The following CWC27 variants were observed in gnomAD, a reference collection of about 807,000 sequenced individuals.
CWC27 encodes the protein CWC27 spliceosome associated cyclophilin, also known as spliceosome-associated protein CWC27 homolog.
In CWC27, 47 loss-of-function variants were observed where a neutral mutation model predicts 63.6. That is an observed-to-expected ratio of 0.74 (90% CI 0.58 to 0.94). CWC27 has a LOEUF of 0.94. CWC27 is among the 40% of genes least tolerant of loss of function. The pLI is 0.00. For missense variants in CWC27, 495 were observed against 554.3 expected, an observed-to-expected ratio of 0.89 and a Z score of 1.07; for synonymous variants, 175 against 179.8, an observed-to-expected ratio of 0.97 and a Z score of 0.22.
intron 13 of CWC27, among the ~76,000 whole-genome samples, chr5:64,985,454 G>A (rs1749407320): frequency 6.6e-6 from 1 of 152,044 alleles, no homozygotes; most frequent in Admixed American, 6.6e-5. Flanking sequence ...TGTTTCATCA[G>A]CATTTTATAG....
At chr5:64,809,647 G>A (rs1346496882) in intron 10 of CWC27, among the ~76,000 whole-genome samples, 3 of 152,200 alleles carry the variant, frequency 2.0e-5, no homozygotes, top group African/African-American at 4.8e-5. Flanking sequence ...GATTATAGGC[G>A]TGAGCTACTG....
chr5:64,813,205 A>G (rs914585622), intron 10 of CWC27, among the ~76,000 whole-genome samples: 23 of 152,182 alleles, frequency 1.5e-4, no homozygotes, highest in Non-Finnish European at 2.8e-4. Context: ...AAACCATACT[A>G]TATTTAGCAT....
At position 64,807,613 on chromosome 5, in the gene CWC27, G is replaced by T. The variant is rs1410106300; in HGVS notation, c.938+3227G>T. On this transcript the variant is annotated intron_variant, in intron 10 of 13. Transcript: ENST00000381070. ...TTTCTTTCCAGCCCACCTTCTCTAT[G>T]CCTGTATCTTGACTACTGGATACAG... The T allele has an allele frequency of 2.0e-6, 3 of 1,533,692 alleles. No homozygotes were observed. In the East Asian group the frequency reaches 7.3e-5, roughly 38 times the overall value.
intron 11 of CWC27, among the ~76,000 whole-genome samples, chr5:64,951,328 G>T (rs908793416): frequency 6.6e-6 from 1 of 151,828 alleles, no homozygotes; most frequent in Admixed American, 6.6e-5. Context: ...GATCAATGAT[G>T]TTGAACATCT....
chr5:64,771,612 T>C (rs777702067), intron 1 of CWC27, among the ~76,000 whole-genome samples: 3 of 152,226 alleles, frequency 2.0e-5, no homozygotes, highest in Non-Finnish European at 4.4e-5. Flanking sequence ...TTTCAAATGA[T>C]AGGGGTCTGT....
At chr5:64,937,249 C>G (rs149923434) in intron 11 of CWC27, among the ~76,000 whole-genome samples, 4,938 of 152,198 alleles carry the variant, frequency 0.032, 126 homozygotes, top group African/African-American at 0.034. Flanking sequence ...TATAAATTTC[C>G]CTCTAAACAC....
In CWC27 at chr5:64,884,901, A is replaced by G. The variant is rs548562939; in HGVS notation, c.939-542A>G. 2.5e-5 allele frequency among the ~76,000 whole-genome samples: 3 copies of G among 121,756 alleles called. No individual in the cohort carries two copies. In the East Asian group the frequency reaches 8.1e-4, roughly 33 times the overall value. The allele number at this position is 121,756 out of a possible 152,430, so 79.9% of individuals were successfully genotyped here. A position where few individuals can be genotyped will look rare whatever the true frequency, so the allele number is the denominator to read the frequency against. ...GTAGATTTAACTACCAGGAAATTAA[A>G]AGGAAATGTATATGCCAAACTGTAG... On this transcript the variant is annotated intron_variant, in intron 10 of 13. Coordinates refer to ENST00000381070, the MANE Select transcript of CWC27 (RefSeq NM_005869.4).
intron 11 of CWC27, among the ~76,000 whole-genome samples, chr5:64,896,466 A>G (rs1015172584): frequency 4.6e-5 from 7 of 152,226 alleles, no homozygotes; most frequent in African/African-American, 1.7e-4. Context: ...AAAAATACAT[A>G]ACAACATAGT....
intron 13 of CWC27, among the ~76,000 whole-genome samples, chr5:64,988,696 C>T (rs775935105): frequency 6.6e-6 from 1 of 151,762 alleles, no homozygotes; most frequent in South Asian, 2.1e-4. Flanking sequence ...CCCCACCTCC[C>T]GGGTTCAAGA....
rs186503087 is a variant in CWC27, at chr5:64,849,614, A to C, written c.939-35829A>C. Among the ~76,000 whole-genome samples, 12 of 151,974 alleles carry C rather than the reference A, an allele frequency of 7.9e-5. No homozygotes were observed. The East Asian group carries it at 2.3e-3, about 29-fold the overall frequency. ...CAATGGGAGAACACACTAATACACT[A>C]CCCAAAGTCATTGATATGGTTTGGC... On this transcript the variant is annotated intron_variant, in intron 10 of 13. Transcript: ENST00000381070.
rs753697923 is a variant in CWC27 at position 64,769,143 on chromosome 5, C to T, written c.-4C>T. 9 of 1,613,950 alleles carry T rather than the reference C, an allele frequency of 5.6e-6. No individual in the cohort carries two copies. In the East Asian group the frequency reaches 1.8e-4, roughly 32 times the overall value. ...AAGGAGCAGAGTCCTTTGTACTGAC[C>T]AAGATGAGCAACATCTACATCCAGG... On this transcript the variant is annotated 5_prime_UTR_variant, in exon 1 of 14. Coordinates refer to ENST00000381070, the MANE Select transcript of CWC27 (RefSeq NM_005869.4).
chr5:64,961,579 C>A (rs898565570), intron 11 of CWC27, among the ~76,000 whole-genome samples: 5 of 152,094 alleles, frequency 3.3e-5, no homozygotes, highest in African/African-American at 1.2e-4. Flanking sequence ...ATGTTAAGTT[C>A]ATTTTACCCT....
chr5:64,814,430 G>A (rs1275885390), intron 10 of CWC27, among the ~76,000 whole-genome samples: 1 of 152,106 alleles, frequency 6.6e-6, no homozygotes, highest in Non-Finnish European at 1.5e-5. Context: ...AAATTGTTCT[G>A]TTATTCCACA....
chr5:64,914,356 A>G (rs1166024501), intron 11 of CWC27, among the ~76,000 whole-genome samples: 1 of 152,148 alleles, frequency 6.6e-6, no homozygotes, highest in Non-Finnish European at 1.5e-5. Context: ...GATACCTGAC[A>G]TAAGTGAAGA....
chr5:64,894,278 A>T (rs1180144474), intron 11 of CWC27, among the ~76,000 whole-genome samples: 1 of 152,100 alleles, frequency 6.6e-6, no homozygotes, highest in East Asian at 1.9e-4. Flanking sequence ...TAAGGTGCTT[A>T]CCCAATATTA....
chr5:64,990,057 G>A (rs144081531), intron 13 of CWC27, among the ~76,000 whole-genome samples: 96 of 151,962 alleles, frequency 6.3e-4, no homozygotes, highest in African/African-American at 2.2e-3. Flanking sequence ...CTCTAAGGAA[G>A]TCTATCTGTT....
intron 11 of CWC27, among the ~76,000 whole-genome samples, chr5:64,898,878 T>G (rs969335404): frequency 3.3e-5 from 5 of 152,162 alleles, no homozygotes; most frequent in Non-Finnish European, 7.4e-5. Flanking sequence ...CATGCCTATA[T>G]TCCAGCAACG....
At chr5:64,830,682 C>G (rs971202934) in intron 10 of CWC27, among the ~76,000 whole-genome samples, 1 of 152,092 alleles carries the variant, frequency 6.6e-6, no homozygotes, top group East Asian at 1.9e-4. Flanking sequence ...ACCCATCTGA[C>G]AAAGGGCTAA....
chr5:64,830,172 C>T (rs927355298), intron 10 of CWC27, among the ~76,000 whole-genome samples: 1 of 151,374 alleles, frequency 6.6e-6, no homozygotes, highest in African/African-American at 2.4e-5. Context: ...CTATCCCTCC[C>T]CCGGCCCCCC....
Sources: allele counts gnomAD v4.1 joint callset (sites outside exome capture counted in the v4.1 genomes callset), GRCh38; gene constraint gnomAD v4.1.1; transcripts MANE v1.5; gene names NCBI Gene and HGNC (gene_info 2026-07-23, HGNC 2026-07-21).